The following DPT variants were observed in gnomAD, a reference collection of about 807,000 sequenced individuals.
DPT encodes tyrosine-rich acidic matrix protein.
A neutral mutation model predicts 31.2 loss-of-function variants in DPT; 21 were observed. The observed-to-expected ratio is 0.67, with a 90% CI of 0.48 to 0.97. The LOEUF is 0.97. Ranked by LOEUF, DPT falls within the 50% of genes least tolerant of loss-of-function variation. The pLI is 0.00. For missense variants in DPT, 262 were observed against 258.8 expected (o/e 1.01, Z -0.08); for synonymous variants, 91 against 86.9 (o/e 1.05, Z -0.26).
At chr1:168,697,315 CTCTT>C (rs1184512371) in intron 3 of DPT, among the ~76,000 whole-genome samples, 1 of 152,178 alleles carries the variant, frequency 6.6e-6, no homozygotes, top group Admixed American at 6.5e-5. Flanking sequence ...TTCCCACTGA[CTCTT>C]TCTGAGCACT....
chr1:168,704,002 G>T (rs556651519), intron 2 of DPT, among the ~76,000 whole-genome samples: 3 of 152,266 alleles, frequency 2.0e-5, no homozygotes, highest in Non-Finnish European at 2.9e-5. Context: ...AGAGAAAAAA[G>T]AATTTAAACG....
At chr1:168,728,275 A>T (rs1650292653) in intron 1 of DPT, among the ~76,000 whole-genome samples, 1 of 152,222 alleles carries the variant, frequency 6.6e-6, no homozygotes, top group African/African-American at 2.4e-5. Context: ...GAGAGAGCAC[A>T]TTTAATCAAG....
chr1:168,709,630 G>C (rs1019961623), intron 2 of DPT, among the ~76,000 whole-genome samples: 1 of 152,172 alleles, frequency 6.6e-6, no homozygotes, highest in Non-Finnish European at 1.5e-5. Context: ...GAATCCCTAA[G>C]TGCTCACAAA....
chr1:168,696,004 G>A lies in DPT; in HGVS notation c.*545C>T. The A allele has an allele frequency of 2.5e-6, 1 of 392,758 alleles. No homozygotes were observed. Among genetic ancestry groups the A allele is most frequent in the Non-Finnish European group, 4.5e-6 (1 of 222,912 alleles). The allele number at this position is 392,758 out of a possible 1,614,324, so 24.3% of individuals were successfully genotyped here. On this transcript the variant is annotated 3_prime_UTR_variant, in exon 4 of 4. Transcript: ENST00000367817. ...TTCACCTCCCAGTCTCCTCACTCCT[G>A]GAGCAAAGAGCTCTGCACTTGGATT...
In DPT at chr1:168,696,138, T is replaced by C. The variant is rs1489712356; in HGVS notation, c.*411A>G. 2.2e-5 allele frequency: 9 copies of C among 413,496 alleles called. No homozygotes were observed. Among genetic ancestry groups the C allele is most frequent in the Admixed American group, 1.2e-4 (3 of 24,812 alleles). 25.6% of individuals were successfully genotyped at this position (413,496 alleles called of 1,614,324 possible). The stretch of plus-strand genomic sequence containing the variant: ...CGTATCATTCAAACAGGCTTAGCTG[T>C]AGAGAACCTTCACTGCACCTCTCCT... On this transcript the variant is annotated 3_prime_UTR_variant, in exon 4 of 4. Coordinates refer to ENST00000367817, the MANE Select transcript of DPT (RefSeq NM_001937.5).
intron 1 of DPT, among the ~76,000 whole-genome samples, chr1:168,727,085 C>T (rs1650262890): frequency 6.6e-6 from 1 of 152,204 alleles, no homozygotes; most frequent in South Asian, 2.1e-4. Context: ...CCCACCCTCT[C>T]CAGGAGGAAG....
intron 1 of DPT, among the ~76,000 whole-genome samples, chr1:168,721,205 T>C (rs1650107735): frequency 6.6e-6 from 1 of 152,200 alleles, no homozygotes; most frequent in African/African-American, 2.4e-5. Flanking sequence ...GTTTGCCCAG[T>C]AAAAGAAGCC....
At chr1:168,709,270 G>C (rs1649795923) in intron 2 of DPT, among the ~76,000 whole-genome samples, 1 of 152,224 alleles carries the variant, frequency 6.6e-6, no homozygotes. Context: ...GAGCTGTTTG[G>C]AGAAGAGAGA....
chr1:168,723,271 T>C (rs984437006), intron 1 of DPT, among the ~76,000 whole-genome samples: 27 of 152,228 alleles, frequency 1.8e-4, no homozygotes, highest in Non-Finnish European at 7.3e-5. Flanking sequence ...CTGGCTCAGG[T>C]CCTCCGTCTG....
intron 1 of DPT, among the ~76,000 whole-genome samples, chr1:168,719,748 A>C (rs1650061329): frequency 1.3e-5 from 2 of 151,920 alleles, no homozygotes; most frequent in African/African-American, 2.4e-5. Flanking sequence ...GCAGGAGGGC[A>C]CTGGTACCTT....
chr1:168,710,999 CT>C (rs770932865), intron 2 of DPT, among the ~76,000 whole-genome samples: 19 of 147,564 alleles, frequency 1.3e-4, no homozygotes, highest in African/African-American at 4.2e-4. Flanking sequence ...GACAACTTTG[CT>C]TTTTTTTTTC....
intron 1 of DPT, among the ~76,000 whole-genome samples, chr1:168,721,275 C>A (rs1286313457): frequency 2.0e-5 from 3 of 152,162 alleles, no homozygotes; most frequent in African/African-American, 7.2e-5. Context: ...CCCATCTCTC[C>A]CCTTCTGCTG....
intron 3 of DPT, among the ~76,000 whole-genome samples, chr1:168,698,242 A>G (rs533511941): frequency 6.6e-6 from 1 of 152,268 alleles, no homozygotes; most frequent in South Asian, 2.1e-4. Flanking sequence ...TGTTTAGAAC[A>G]ATTGGGTATA....
intron 2 of DPT, among the ~76,000 whole-genome samples, chr1:168,707,729 GA>G (rs1310509650): frequency 1.3e-5 from 2 of 152,150 alleles, no homozygotes; most frequent in African/African-American, 4.8e-5. Flanking sequence ...GAGTTCTCAC[GA>G]GATCTGATGG....
At chr1:168,728,362 A>G (rs978075979) in intron 1 of DPT, among the ~76,000 whole-genome samples, 3 of 152,160 alleles carry the variant, frequency 2.0e-5, no homozygotes, top group Non-Finnish European at 2.9e-5. Context: ...CTTGCTCTAA[A>G]TCAATAGTTC....
In DPT at chr1:168,714,238, C is replaced by T. The variant is rs35449613; in HGVS notation, c.414G>A (p.Arg138=). The T allele has an allele frequency of 0.057, 91,881 of 1,614,010 alleles. 2,943 individuals carry two copies. Among genetic ancestry groups the T allele is most frequent in the South Asian group, 0.073 (6,625 of 91,070 alleles). The change falls in exon 2 of 4, where the codon AGG becomes AGA. Residue 138 remains arginine (R), a synonymous_variant. Coordinates refer to ENST00000367817, the MANE Select transcript of DPT (RefSeq NM_001937.5). ...WQFYCCRYSK[R]CPYSCWLTTE... ...AGACTCACCAGCAGGAATATGGGCA[C>T]CTCTTGCTGTAGCGACAACAGTAAA...
At position 168,729,138 on chromosome 1, in the gene DPT, C is replaced by T; in HGVS notation, c.37G>A (p.Val13Ile). 6.2e-7 allele frequency: 1 copy of T among 1,614,160 alleles called. No homozygotes were observed. The highest frequency in any genetic ancestry group is 1.1e-5 in the South Asian group (1 of 91,068). Residue 13 changes from valine to isoleucine, a missense_variant, in exon 1 of 4, where the codon GTC becomes ATC. By Grantham distance (29) the Val-to-Ile change is conservative. Transcript: ENST00000367817. Reference sequence around the variant, plus strand: ...CCATACTGGCCCCAGGCCATGGTGACTAGGGGCAGAAGTACCCAGAGAAGA... The same window carrying T: ...CCATACTGGCCCCAGGCCATGGTGATTAGGGGCAGAAGTACCCAGAGAAGA... Reference protein sequence around the residue: ...LSLLWVLLPLVTMAWGQYGDY... With the variant: ...LSLLWVLLPLITMAWGQYGDY...
intron 2 of DPT, among the ~76,000 whole-genome samples, chr1:168,701,571 C>T (rs181919297): frequency 3.5e-4 from 53 of 152,108 alleles, no homozygotes; most frequent in African/African-American, 8.2e-4. Context: ...GCAGTAAGGA[C>T]GAGTCTATGT....
At chr1:168,708,868 A>G (rs1383162981) in intron 2 of DPT, among the ~76,000 whole-genome samples, 2 of 152,200 alleles carry the variant, frequency 1.3e-5, no homozygotes, top group Non-Finnish European at 2.9e-5. Flanking sequence ...TAACATCTGA[A>G]CAAAGAGGCT....
Sources: allele counts gnomAD v4.1 joint callset (sites outside exome capture counted in the v4.1 genomes callset), GRCh38; gene constraint gnomAD v4.1.1; transcripts MANE v1.5; gene names NCBI Gene and HGNC (gene_info 2026-07-23, HGNC 2026-07-21).